SORCS3: variants seen among roughly 807,000 people sequenced by gnomAD.
SORCS3 encodes the protein VPS10 domain-containing receptor SorCS3.
A neutral mutation model predicts 146.3 loss-of-function variants in SORCS3; 57 were observed. The ratio of observed to expected loss-of-function variants is 0.39; its 90% CI spans 0.31 to 0.49. SORCS3 has a LOEUF of 0.49. SORCS3 is among the 20% of genes least tolerant of loss of function. SORCS3 has a pLI of 0.92. For synonymous variants in SORCS3, 653 were observed against 618.5 expected, an observed-to-expected ratio of 1.06 and a Z score of -0.83; for missense variants, 1,341 against 1,575.5, an observed-to-expected ratio of 0.85 and a Z score of 2.52.
intron 4 of SORCS3, among the ~76,000 whole-genome samples, chr10:105,035,249 C>A (rs1043347259): frequency 6.6e-6 from 1 of 152,054 alleles, no homozygotes; most frequent in East Asian, 1.9e-4. Flanking sequence ...TTACAAAATA[C>A]CCATGGAATT....
rs756294164 is a variant in SORCS3 at position 104,915,899 on chromosome 10, T to C, written c.762T>C (p.Ser254=). The change falls in exon 3 of 27, where the codon AGT becomes AGC. Residue 254 remains serine, a synonymous_variant. Coordinates refer to ENST00000369701, the MANE Select transcript of SORCS3 (RefSeq NM_014978.3). ...AAGTGGGTTTGAAGACTGTCCTCAG[T>C]TACCTCTATGTCAATCCAACCAACA... ...NDKVGLKTVL[S]YLYVNPTNKR... 2 of 1,614,068 alleles carry C rather than the reference T, an allele frequency of 1.2e-6. No individual in the cohort carries two copies. The highest frequency in any genetic ancestry group is 8.5e-7 in the Non-Finnish European group (1 of 1,179,970).
intron 2 of SORCS3, among the ~76,000 whole-genome samples, chr10:104,913,244 A>G: frequency 6.6e-6 from 1 of 152,164 alleles, no homozygotes. Flanking sequence ...GGGAGGGAGA[A>G]GACTGGAAGA....
intron 3 of SORCS3, among the ~76,000 whole-genome samples, chr10:104,934,480 C>G (rs201111684): frequency 6.6e-6 from 1 of 152,112 alleles, no homozygotes; most frequent in East Asian, 1.9e-4. Flanking sequence ...GCTTAACACA[C>G]AGCCTGGGCA....
At chr10:105,007,833 A>G (rs2055106816) in intron 4 of SORCS3, among the ~76,000 whole-genome samples, 1 of 152,150 alleles carries the variant, frequency 6.6e-6, no homozygotes, top group Non-Finnish European at 1.5e-5. Flanking sequence ...GCCTTCAAAG[A>G]GCTCAGAAGG....
intron 1 of SORCS3, among the ~76,000 whole-genome samples, chr10:104,729,760 G>C (rs1042754907): frequency 6.6e-6 from 1 of 152,174 alleles, no homozygotes; most frequent in Non-Finnish European, 1.5e-5. Flanking sequence ...TCCTGCCCTG[G>C]CACTGCTTCT....
intron 1 of SORCS3, among the ~76,000 whole-genome samples, chr10:104,764,109 C>T (rs1248985828): frequency 6.6e-6 from 1 of 150,894 alleles, no homozygotes; most frequent in Non-Finnish European, 1.5e-5. Flanking sequence ...TGGCTTGATG[C>T]AGGATATCTA....
chr10:104,711,871 A>AGGAAG (rs376827118), intron 1 of SORCS3, among the ~76,000 whole-genome samples: 1,731 of 152,266 alleles, frequency 0.011, 36 homozygotes, highest in African/African-American at 0.04. Context: ...TGGAGGACAT[A>AGGAAG]GGAAGGGAAG....
intron 2 of SORCS3, among the ~76,000 whole-genome samples, chr10:104,861,070 G>A (rs1237445628): frequency 2.6e-5 from 4 of 152,208 alleles, no homozygotes; most frequent in Non-Finnish European, 4.4e-5. Context: ...AAGGAGAGGT[G>A]TGTGGAAGGG....
chr10:104,710,324 G>A (rs1188370109), intron 1 of SORCS3, among the ~76,000 whole-genome samples: 2 of 152,186 alleles, frequency 1.3e-5, no homozygotes, highest in Non-Finnish European at 2.9e-5. Flanking sequence ...GCAGTCACCT[G>A]TGCTGGGGAA....
At chr10:105,010,520 A>G (rs1381170503) in intron 4 of SORCS3, among the ~76,000 whole-genome samples, 5 of 152,254 alleles carry the variant, frequency 3.3e-5, no homozygotes, top group African/African-American at 9.6e-5. Context: ...TTAGAAGATC[A>G]GGGAACTATA....
intron 4 of SORCS3, among the ~76,000 whole-genome samples, chr10:105,006,895 C>A (rs983374185): frequency 6.6e-6 from 1 of 152,186 alleles, no homozygotes; most frequent in Non-Finnish European, 1.5e-5. Flanking sequence ...CATCATTCAG[C>A]ATGTTAATTC....
chr10:104,799,135 G>A (rs1589503479), intron 1 of SORCS3, among the ~76,000 whole-genome samples: 2 of 152,252 alleles, frequency 1.3e-5, no homozygotes, highest in Admixed American at 1.3e-4. Flanking sequence ...AGATAGTGTG[G>A]CGATTCCTCA....
At chr10:104,810,626 A>G (rs2017729638) in intron 1 of SORCS3, among the ~76,000 whole-genome samples, 2 of 152,370 alleles carry the variant, frequency 1.3e-5, no homozygotes, top group South Asian at 4.1e-4. Context: ...TCATGTGGGC[A>G]TCTGATTATT....
intron 4 of SORCS3, among the ~76,000 whole-genome samples, chr10:104,980,813 A>G (rs1437584582): frequency 6.6e-6 from 1 of 152,206 alleles, no homozygotes; most frequent in African/African-American, 2.4e-5. Context: ...AAGCTACAGA[A>G]GACTTGCCAG....
intron 1 of SORCS3, among the ~76,000 whole-genome samples, chr10:104,799,029 T>C (rs2017592392): frequency 6.6e-6 from 1 of 152,164 alleles, no homozygotes; most frequent in Non-Finnish European, 1.5e-5. Flanking sequence ...CAATCATTCA[T>C]TAAAAAGTCA....
At chr10:105,241,856 C>G (rs1025686454) in intron 20 of SORCS3, among the ~76,000 whole-genome samples, 4 of 152,070 alleles carry the variant, frequency 2.6e-5, no homozygotes, top group East Asian at 3.9e-4. Flanking sequence ...AGTGAAGACA[C>G]CATTCAAAGG....
chr10:105,211,202 C>T lies in SORCS3; in HGVS notation c.2327C>T (p.Ser776Phe). 1.2e-6 allele frequency: 2 copies of T among 1,614,060 alleles called. No homozygotes were observed. Among genetic ancestry groups the T allele is most frequent in the Non-Finnish European group, 1.7e-6 (2 of 1,179,964 alleles). Reference sequence around the variant, plus strand: ...CCAGCTTTCTGGTACAATCCAGCATCCCCATCAAAGGACTGCAGCCTTGGT... The same window carrying T: ...CCAGCTTTCTGGTACAATCCAGCATTCCCATCAAAGGACTGCAGCCTTGGT... ...CVPAFWYNPA[S>F]PSKDCSLGQS... Residue 776 changes from serine to phenylalanine, a missense_variant, in exon 17 of 27, where the codon TCC becomes TTC. By Grantham distance (155) the Ser-to-Phe change is radical. Transcript: ENST00000369701.
intron 2 of SORCS3, 128 bp from the exon 3 acceptor site, chr10:104,915,705 C>A (rs934271970): frequency 1.4e-6 from 1 of 722,232 alleles, no homozygotes; most frequent in African/African-American, 1.8e-5. Context: ...GGCTTTTTAT[C>A]TCTGAAGCAC....
At chr10:105,006,018 C>T (rs923313597) in intron 4 of SORCS3, among the ~76,000 whole-genome samples, 1 of 152,188 alleles carries the variant, frequency 6.6e-6, no homozygotes, top group African/African-American at 2.4e-5. Context: ...CATCTCGGCT[C>T]ACAACTTCCG....
Sources: gnomAD v4.1 joint callset for allele counts (sites outside exome capture counted in the v4.1 genomes callset) on GRCh38, gnomAD v4.1.1 for gene constraint, MANE v1.5 for transcripts, NCBI Gene and HGNC (gene_info 2026-07-23, HGNC 2026-07-21) for gene names.